ATIC: variants seen among roughly 807,000 people sequenced by gnomAD.
ATIC encodes bifunctional purine biosynthesis protein ATIC.
Under a neutral mutation model 72.5 loss-of-function variants are expected in ATIC, and 64 were observed. That is an observed-to-expected ratio of 0.88 (90% CI 0.72 to 1.09). The LOEUF (loss-of-function observed/expected upper bound fraction) is 1.09. ATIC is among the 50% of genes least tolerant of loss of function. The pLI is 0.00. For synonymous variants in ATIC, 281 were observed against 267.1 expected, an observed-to-expected ratio of 1.05 and a Z score of -0.51; for missense variants, 787 against 732.4, an observed-to-expected ratio of 1.07 and a Z score of -0.86.
intron 7 of ATIC, among the ~76,000 whole-genome samples, chr2:215,330,622 A>G (rs1052561440): frequency 5.4e-4 from 82 of 152,098 alleles, no homozygotes; most frequent in African/African-American, 1.8e-3. Context: ...AATAGTTTCA[A>G]TGCCCTAAAA....
At chr2:215,365,420 A>G in the ATIC span, 70 of 1,446,294 alleles carry the variant, frequency 4.8e-5, no homozygotes, top group Middle Eastern at 1.7e-4. Flanking sequence ...AAAGTCTCCA[A>G]TCATTTCTGT....
At chr2:215,337,084 CTTTT>C (rs11285874) in intron 11 of ATIC, among the ~76,000 whole-genome samples, 1 of 138,638 alleles carries the variant, frequency 7.2e-6, no homozygotes. Context: ...TTGTTGTTGG[CTTTT>C]TTTTTTTTTT....
chr2:215,318,066 A>G, intron 2 of ATIC, 91 bp from the exon 3 acceptor site: 2 of 1,181,220 alleles, frequency 1.7e-6, no homozygotes, highest in Non-Finnish European at 2.5e-6. Context: ...CAGGCTCAAA[A>G]TCTCTTGAAA....
intron 11 of ATIC, among the ~76,000 whole-genome samples, chr2:215,338,482 G>A (rs2052980955): frequency 1.3e-5 from 2 of 152,170 alleles, no homozygotes; most frequent in Admixed American, 6.5e-5. Flanking sequence ...TTTTTAACAT[G>A]TTGTATATAG....
chr2:215,368,124 T>C, the ATIC span: 1 of 1,274,280 alleles, frequency 7.8e-7, no homozygotes, highest in Non-Finnish European at 1.1e-6. Flanking sequence ...TGACTTAATC[T>C]AAAACAAGAA....
intron 7 of ATIC, among the ~76,000 whole-genome samples, chr2:215,329,232 A>G (rs1022454332): frequency 8.5e-5 from 13 of 152,122 alleles, no homozygotes; most frequent in African/African-American, 3.1e-4. Context: ...TATATTCTCC[A>G]TTAAGATTCT....
intron 3 of ATIC, among the ~76,000 whole-genome samples, chr2:215,318,521 T>C (rs2052734155): frequency 1.3e-5 from 2 of 152,206 alleles, no homozygotes; most frequent in Admixed American, 6.5e-5. Context: ...GATATTTAGA[T>C]TTCATCGTAT....
At chr2:215,315,034 A>G (rs1044237805) in intron 2 of ATIC, among the ~76,000 whole-genome samples, 4 of 152,170 alleles carry the variant, frequency 2.6e-5, no homozygotes, top group Admixed American at 6.5e-5. Flanking sequence ...ATTGGACAGC[A>G]AGGATATGGT....
At chr2:215,362,385 G>A in the ATIC span, 9 of 398,906 alleles carry the variant, frequency 2.3e-5, no homozygotes, top group South Asian at 2.1e-4. Context: ...TCCTCAACAA[G>A]TTCTCTGCAC....
the ATIC span, chr2:215,368,096 T>C: frequency 2.0e-6 from 3 of 1,487,090 alleles, no homozygotes; most frequent in South Asian, 2.3e-5. Flanking sequence ...AAGAAGAAAA[T>C]CGAATGACTG....
chr2:215,316,665 G>A (rs532507868), intron 2 of ATIC, among the ~76,000 whole-genome samples: 2 of 152,270 alleles, frequency 1.3e-5, no homozygotes, highest in South Asian at 4.2e-4. Flanking sequence ...TAACATGCTA[G>A]TATATTTTTC....
At chr2:215,361,405 C>G in the ATIC span, 4 of 754,270 alleles carry the variant, frequency 5.3e-6, no homozygotes, top group Non-Finnish European at 9.8e-6. Flanking sequence ...CTTGGAGAAG[C>G]TGTGAGTTGA....
At chr2:215,349,914 CATT>C, downstream of ATIC, 1 of 578,074 alleles carries the variant, frequency 1.7e-6, no homozygotes, top group Non-Finnish European at 3.0e-6. Flanking sequence ...GAAACATAAA[CATT>C]AGCAGGAACC....
intron 2 of ATIC, among the ~76,000 whole-genome samples, chr2:215,316,377 C>T (rs1476331997): frequency 6.6e-6 from 1 of 152,190 alleles, no homozygotes; most frequent in Non-Finnish European, 1.5e-5. Context: ...TTGCAAATGG[C>T]TCCCCTTAAC....
intron 11 of ATIC, among the ~76,000 whole-genome samples, chr2:215,337,649 G>C (rs992126956): frequency 6.6e-6 from 1 of 152,222 alleles, no homozygotes; most frequent in East Asian, 1.9e-4. Context: ...TTACAGGCGT[G>C]AGCCACCGCG....
chr2:215,324,991 G>C (rs1479843537), intron 4 of ATIC, among the ~76,000 whole-genome samples: 1 of 152,112 alleles, frequency 6.6e-6, no homozygotes, highest in Non-Finnish European at 1.5e-5. Context: ...GCAGTGTGAC[G>C]TGGAGGGAGT....
rs867775633 is a variant in ATIC, at chr2:215,338,867, A to G, written c.1187A>G (p.Asp396Gly). ...CAGAAGAGAAATAATGGTGTCGTCGACAAGTCATTATTTAGCAATGTTGTT... is the reference window on the plus strand; with the variant it reads ...CAGAAGAGAAATAATGGTGTCGTCGGCAAGTCATTATTTAGCAATGTTGTT... The part of the protein sequence containing the change: ...LSQKRNNGVV[D>G]KSLFSNVVTK... The change falls in exon 12 of 16, where the codon GAC becomes GGC. Residue 396 changes from aspartate to glycine, a missense_variant. By Grantham distance (94) the Asp-to-Gly change is moderately conservative. Coordinates refer to ENST00000236959, the MANE Select transcript of ATIC (RefSeq NM_004044.7). The G allele has an allele frequency of 1.9e-5, 30 of 1,613,754 alleles. No homozygotes were observed. The Admixed American group carries it at 4.3e-4, about 23-fold the overall frequency.
At chr2:215,321,129 A>G (rs2052762282) in intron 4 of ATIC, among the ~76,000 whole-genome samples, 1 of 152,158 alleles carries the variant, frequency 6.6e-6, no homozygotes, top group African/African-American at 2.4e-5. Context: ...ACCCATACGC[A>G]TTTATTCTCC....
chr2:215,315,544 A>G (rs1027895056), intron 2 of ATIC, among the ~76,000 whole-genome samples: 9 of 152,074 alleles, frequency 5.9e-5, no homozygotes, highest in Admixed American at 5.2e-4. Context: ...TTTCATAGAG[A>G]TGGTTTCACC....
Sources: allele counts gnomAD v4.1 joint callset (sites outside exome capture counted in the v4.1 genomes callset), GRCh38; gene constraint gnomAD v4.1.1; transcripts MANE v1.5; gene names NCBI Gene and HGNC (gene_info 2026-07-23, HGNC 2026-07-21).